ZNF827: variants seen among roughly 807,000 people sequenced by gnomAD.
ZNF827 encodes the protein zinc finger protein 827.
ZNF827 carries 13 observed loss-of-function variants against 102.4 expected under a neutral mutation model. The ratio of observed to expected loss-of-function variants is 0.13; its 90% CI spans 0.08 to 0.20. The LOEUF (loss-of-function observed/expected upper bound fraction) is 0.20. Among genes scored for constraint, ZNF827 ranks in the 10% least tolerant of loss-of-function variants. ZNF827 has a pLI of 1.00. For synonymous variants in ZNF827, 523 were observed against 536.2 expected, an observed-to-expected ratio of 0.98 and a Z score of 0.34; for missense variants, 1,103 against 1,344.4, an observed-to-expected ratio of 0.82 and a Z score of 2.81.
intron 2 of ZNF827, among the ~76,000 whole-genome samples, chr4:145,895,727 T>C (rs1319490725): frequency 6.6e-6 from 1 of 152,192 alleles, no homozygotes; most frequent in African/African-American, 2.4e-5. Context: ...GTGTTTATGA[T>C]GTTGTTAACT....
chr4:145,801,440 A>C (rs17020591), intron 8 of ZNF827, among the ~76,000 whole-genome samples: 1 of 152,214 alleles, frequency 6.6e-6, no homozygotes, highest in Non-Finnish European at 1.5e-5. Context: ...ATCTGTTTTG[A>C]CGGAAACCTT....
At chr4:145,929,054 T>C (rs1262542418) in intron 1 of ZNF827, among the ~76,000 whole-genome samples, 3 of 152,222 alleles carry the variant, frequency 2.0e-5, no homozygotes, top group Non-Finnish European at 2.9e-5. Context: ...ATTTCCAAAA[T>C]GTTGTCTCAA....
At chr4:145,843,526 C>T (rs1745628290) in intron 7 of ZNF827, among the ~76,000 whole-genome samples, 1 of 152,100 alleles carries the variant, frequency 6.6e-6, no homozygotes, top group Non-Finnish European at 1.5e-5. Flanking sequence ...TTGTATGGGG[C>T]CAACTTGGGG....
rs143295157 is a variant in ZNF827 at position 145,761,228 on chromosome 4, A to T, written c.*388T>A. 2.9e-4 allele frequency: 377 copies of T among 1,289,808 alleles called. 2 individuals are homozygous for T. In the African/African-American group the frequency reaches 4.9e-3, roughly 17 times the overall value. 79.9% of individuals were successfully genotyped at this position (1,289,808 alleles called of 1,614,324 possible). Reference sequence around the variant, plus strand: ...TTCTTGACGTGGCGGCTGAAGACGAAAGGGTGTGTGGTCTTGAACAGGCAC... The same window carrying T: ...TTCTTGACGTGGCGGCTGAAGACGATAGGGTGTGTGGTCTTGAACAGGCAC... On this transcript the variant is annotated 3_prime_UTR_variant, in exon 15 of 15. Transcript: ENST00000508784. This position sits in a 1 kb window ranked among gnomAD's most constrained non-coding sequence, Gnocchi z 6.8.
At chr4:145,773,057 G>GT (rs1417478571) in intron 11 of ZNF827, among the ~76,000 whole-genome samples, 1 of 152,116 alleles carries the variant, frequency 6.6e-6, no homozygotes, top group Non-Finnish European at 1.5e-5. Context: ...TTTCAACTGG[G>GT]TTCAGGTATA....
intron 2 of ZNF827, among the ~76,000 whole-genome samples, chr4:145,896,957 A>T (rs577496487): frequency 1.3e-5 from 2 of 152,186 alleles, no homozygotes; most frequent in Admixed American, 1.3e-4. Context: ...GAAAAAAAAG[A>T]GTTTGTTTTG....
At chr4:145,832,980 T>C (rs1744395425) in intron 7 of ZNF827, 1 of 158,598 alleles carries the variant, frequency 6.3e-6, no homozygotes, top group Admixed American at 6.5e-5. Flanking sequence ...CAAGGCCTGT[T>C]TGGTGGTCTC....
intron 8 of ZNF827, among the ~76,000 whole-genome samples, chr4:145,811,666 A>G (rs886788233): frequency 4.6e-5 from 7 of 152,262 alleles, no homozygotes; most frequent in Admixed American, 3.3e-4. Flanking sequence ...AGAAATACAG[A>G]TATATCCTTT....
chr4:145,934,558 T>C (rs900326971), intron 1 of ZNF827, among the ~76,000 whole-genome samples: 1 of 152,144 alleles, frequency 6.6e-6, no homozygotes, highest in African/African-American at 2.4e-5. Context: ...ACTGGGGAAT[T>C]GCTGGGACTC....
chr4:145,887,284 C>T (rs1263966294), intron 3 of ZNF827, among the ~76,000 whole-genome samples: 3 of 152,044 alleles, frequency 2.0e-5, no homozygotes, highest in Non-Finnish European at 4.4e-5. Context: ...ATGCGTTAAT[C>T]CGCTGCACCA....
chr4:145,861,449 C>T (rs952315052), intron 5 of ZNF827, among the ~76,000 whole-genome samples: 1 of 152,272 alleles, frequency 6.6e-6, no homozygotes, highest in Non-Finnish European at 1.5e-5. Context: ...TTTGCAACCA[C>T]ACTGCAACTG....
intron 7 of ZNF827, among the ~76,000 whole-genome samples, chr4:145,827,165 T>A (rs1189245025): frequency 6.6e-6 from 1 of 152,158 alleles, no homozygotes; most frequent in African/African-American, 2.4e-5. Flanking sequence ...CCCATGCCCA[T>A]GAGTTGAGCA....
rs555828997 is a variant in ZNF827 at position 145,761,259 on chromosome 4, G to A, written c.*357C>T. The A allele has an allele frequency of 1.4e-5, 18 of 1,289,784 alleles. No individual in the cohort carries two copies. The highest frequency in any genetic ancestry group is 4.9e-5 in the South Asian group (4 of 81,040). The allele number at this position is 1,289,784 out of a possible 1,614,324, so 79.9% of individuals were successfully genotyped here. On this transcript the variant is annotated 3_prime_UTR_variant, in exon 15 of 15. Coordinates refer to ENST00000508784, the MANE Select transcript of ZNF827 (RefSeq NM_001306215.2). This position sits in a 1 kb window ranked among gnomAD's most constrained non-coding sequence, Gnocchi z 6.8. ...GTGTGGTCTTGAACAGGCACTCTTC[G>A]CAGCTGAAGGTCTGGCGTGGGGCGT...
At chr4:145,898,779 AAAG>A (rs1489735683) in intron 2 of ZNF827, among the ~76,000 whole-genome samples, 1 of 152,204 alleles carries the variant, frequency 6.6e-6, no homozygotes, top group Non-Finnish European at 1.5e-5. Context: ...CCTGTTCAAA[AAAG>A]AAGAATAAGG....
At chr4:145,905,941 GA>G (rs1224717199) in intron 1 of ZNF827, among the ~76,000 whole-genome samples, 21 of 152,152 alleles carry the variant, frequency 1.4e-4, no homozygotes, top group African/African-American at 5.1e-4. Flanking sequence ...TGTCATACCA[GA>G]GGAGCTCAAG....
intron 1 of ZNF827, among the ~76,000 whole-genome samples, chr4:145,909,825 C>T (rs1341538573): frequency 1.3e-5 from 2 of 152,186 alleles, no homozygotes; most frequent in Admixed American, 6.5e-5. Flanking sequence ...TAGCACATCC[C>T]CCACACCAGG....
chr4:145,854,802 A>G (rs1164368997), intron 5 of ZNF827, among the ~76,000 whole-genome samples: 1 of 152,204 alleles, frequency 6.6e-6, no homozygotes, highest in Non-Finnish European at 1.5e-5. Flanking sequence ...GCCTTCCTGT[A>G]TCTTCCTCGA....
At chr4:145,901,632 G>A (rs1751426145) in intron 2 of ZNF827, among the ~76,000 whole-genome samples, 1 of 152,216 alleles carries the variant, frequency 6.6e-6, no homozygotes, top group Admixed American at 6.5e-5. Context: ...TACGTGAAAA[G>A]GGCTTAAATT....
At position 145,760,024 on chromosome 4, in the gene ZNF827, A is replaced by G. The variant is rs990253413; in HGVS notation, c.*1592T>C. On this transcript the variant is annotated 3_prime_UTR_variant, in exon 15 of 15. Transcript: ENST00000508784. ...GTGATGTTAGCTGCAGTGCTGCGAGATATTTCTTCCAGATCAGTCACTTGA... is the reference window on the plus strand; with the variant it reads ...GTGATGTTAGCTGCAGTGCTGCGAGGTATTTCTTCCAGATCAGTCACTTGA... The G allele has an allele frequency of 2.0e-5, 3 of 152,242 alleles. No homozygotes were observed. The highest frequency in any genetic ancestry group is 1.9e-4 in the East Asian group (1 of 5,196). 9.4% of individuals were successfully genotyped at this position (152,242 alleles called of 1,614,324 possible).
Sources: gnomAD v4.1 joint callset for allele counts (sites outside exome capture counted in the v4.1 genomes callset) on GRCh38, gnomAD v4.1.1 for gene constraint, Gnocchi (gnomAD v3.1) non-coding constraint, MANE v1.5 for transcripts, NCBI Gene and HGNC (gene_info 2026-07-23, HGNC 2026-07-21) for gene names.